PDE4D: variants seen among roughly 807,000 people sequenced by gnomAD.
The protein encoded by PDE4D is phosphodiesterase 4D, also known as 3',5'-cyclic-AMP phosphodiesterase 4D.
In PDE4D, 24 loss-of-function variants were observed where a neutral mutation model predicts 87.4. That is an observed-to-expected ratio of 0.27 (90% CI 0.20 to 0.39). The LOEUF (loss-of-function observed/expected upper bound fraction) is 0.39. PDE4D is among the 10% of genes least tolerant of loss of function. The probability of loss-of-function intolerance (pLI) is 1.00; values close to 1 mark genes in which losing one functional copy is unlikely to be tolerated. For missense variants in PDE4D, 714 were observed against 1,041.0 expected (o/e 0.69, Z 4.32); for synonymous variants, 384 against 383.2 (o/e 1.00, Z -0.02).
chr5:59,671,803 T>C (rs1161924866), intron 1 of PDE4D, among the ~76,000 whole-genome samples: 2 of 147,832 alleles, frequency 1.4e-5, no homozygotes, highest in African/African-American at 2.5e-5. Flanking sequence ...GGAGACCCTG[T>C]CTCAAGGAAA....
chr5:59,803,260 G>A (rs942655676), intron 1 of PDE4D, among the ~76,000 whole-genome samples: 1 of 150,870 alleles, frequency 6.6e-6, no homozygotes, highest in African/African-American at 2.4e-5. Flanking sequence ...GGATCCCACC[G>A]CAGACCTACA....
At chr5:59,873,049 G>A (rs1415382780) in intron 1 of PDE4D, among the ~76,000 whole-genome samples, 1 of 152,180 alleles carries the variant, frequency 6.6e-6, no homozygotes, top group Non-Finnish European at 1.5e-5. Context: ...TTCTGGGGCT[G>A]AAACGCTATA....
intron 5 of PDE4D, among the ~76,000 whole-genome samples, chr5:59,179,413 C>T (rs890501011): frequency 6.6e-6 from 1 of 152,280 alleles, no homozygotes; most frequent in African/African-American, 2.4e-5. Context: ...TATTGTTCAT[C>T]TCTTGATCAA....
chr5:59,897,841 T>C (rs1043414501), upstream of PDE4D, among the ~76,000 whole-genome samples: 1 of 152,202 alleles, frequency 6.6e-6, no homozygotes, highest in African/African-American at 2.4e-5. Flanking sequence ...TAAACTCCTG[T>C]CTAATTACAT....
intron 2 of PDE4D, among the ~76,000 whole-genome samples, chr5:60,096,226 G>A (rs1269979217): frequency 6.6e-6 from 1 of 151,906 alleles, no homozygotes; most frequent in Non-Finnish European, 1.5e-5. Context: ...TATGACCAAT[G>A]GAAAAGAATA....
intron 1 of PDE4D, chr5:59,275,290 C>A: frequency 6.9e-7 from 1 of 1,444,494 alleles, no homozygotes; most frequent in Non-Finnish European, 9.6e-7. Flanking sequence ...AGGAGTACGT[C>A]AATCTTAAAA....
intron 2 of PDE4D, among the ~76,000 whole-genome samples, chr5:59,212,154 C>T (rs932124324): frequency 2.6e-5 from 4 of 152,074 alleles, no homozygotes. Flanking sequence ...GTCTTCATAG[C>T]ATTATTGTGA....
chr5:59,840,234 C>CCACACACACACACACA (rs142164308), intron 1 of PDE4D, among the ~76,000 whole-genome samples: 9 of 145,108 alleles, frequency 6.2e-5, no homozygotes, highest in African/African-American at 2.0e-4. Context: ...ACGTGCACTG[C>CCACACACACACACACA]CACACACACA....
chr5:60,079,096 G>A (rs1442320306), intron 2 of PDE4D, among the ~76,000 whole-genome samples: 1 of 152,066 alleles, frequency 6.6e-6, no homozygotes, highest in African/African-American at 2.4e-5. Context: ...GCATGAGATG[G>A]TATCTCATAG....
At chr5:59,734,352 A>G (rs1021432143) in intron 1 of PDE4D, among the ~76,000 whole-genome samples, 3 of 152,180 alleles carry the variant, frequency 2.0e-5, no homozygotes, top group Admixed American at 1.3e-4. Context: ...AAAATTACAT[A>G]TAAGTTATAA....
chr5:59,136,686 A>C (rs1282965795), intron 5 of PDE4D, among the ~76,000 whole-genome samples: 1 of 152,186 alleles, frequency 6.6e-6, no homozygotes, highest in Non-Finnish European at 1.5e-5. Flanking sequence ...GAAACTATTA[A>C]CACTTTACTC....
intron 8 of PDE4D, 100 bp downstream of exon 8, chr5:58,991,732 C>A (rs1419795940): frequency 4.0e-6 from 3 of 752,612 alleles, no homozygotes; most frequent in African/African-American, 1.9e-5. Flanking sequence ...AAAAAAACCC[C>A]AATTAATAAA....
intron 1 of PDE4D, among the ~76,000 whole-genome samples, chr5:60,496,640 G>C (rs1227788241): frequency 6.6e-6 from 1 of 152,160 alleles, no homozygotes. Flanking sequence ...CTAGGTGCTT[G>C]ACATGTATTT....
intron 1 of PDE4D, among the ~76,000 whole-genome samples, chr5:60,486,094 C>G (rs1021713647): frequency 5.3e-5 from 8 of 152,112 alleles, no homozygotes; most frequent in African/African-American, 1.9e-4. Context: ...GCCACATGGA[C>G]CTAAGGAAAA....
chr5:59,436,569 T>C (rs1406561382), intron 1 of PDE4D, among the ~76,000 whole-genome samples: 1 of 152,212 alleles, frequency 6.6e-6, no homozygotes, highest in Non-Finnish European at 1.5e-5. Context: ...CTGAATTGTA[T>C]GTCTTCTTCG....
At chr5:59,411,053 G>T in intron 1 of PDE4D, among the ~76,000 whole-genome samples, 1 of 152,244 alleles carries the variant, frequency 6.6e-6, no homozygotes, top group South Asian at 2.1e-4. Context: ...AGGATAAAGT[G>T]GCACTGGTCT....
chr5:59,938,955 A>G (rs546144637), intron 3 of PDE4D, among the ~76,000 whole-genome samples: 1 of 152,292 alleles, frequency 6.6e-6, no homozygotes, highest in South Asian at 2.1e-4. Flanking sequence ...AATGGGCAGG[A>G]CCATGAGACT....
chr5:59,109,294 C>G (rs1772209221), intron 5 of PDE4D, among the ~76,000 whole-genome samples: 1 of 152,020 alleles, frequency 6.6e-6, no homozygotes, highest in Non-Finnish European at 1.5e-5. Context: ...CTTTCATGGA[C>G]AAAATAGTCA....
chr5:59,209,931 C>T (rs750677173), intron 2 of PDE4D, among the ~76,000 whole-genome samples: 5 of 152,170 alleles, frequency 3.3e-5, no homozygotes, highest in Admixed American at 6.5e-5. Flanking sequence ...TTTAAAATAA[C>T]GCTTGCACCC....
Sources: gnomAD v4.1 joint callset for allele counts (sites outside exome capture counted in the v4.1 genomes callset) on GRCh38, gnomAD v4.1.1 for gene constraint, MANE v1.5 for transcripts, NCBI Gene and HGNC (gene_info 2026-07-23, HGNC 2026-07-21) for gene names.